The following CCBE1 variants were observed in gnomAD, a reference collection of about 807,000 sequenced individuals.
CCBE1 encodes collagen and calcium binding EGF domains 1.
CCBE1 carries 37 observed loss-of-function variants against 50.0 expected under a neutral mutation model. The observed-to-expected ratio is 0.74, with a 90% confidence interval of 0.57 to 0.97. CCBE1 has a LOEUF of 0.97. Among genes scored for constraint, CCBE1 ranks in the 50% least tolerant of loss-of-function variants. CCBE1 has a pLI of 0.00. For missense variants in CCBE1, 538 were observed against 523.8 expected (o/e 1.03, Z -0.26); for synonymous variants, 234 against 203.7 (o/e 1.15, Z -1.27).
intron 5 of CCBE1, among the ~76,000 whole-genome samples, chr18:59,463,644 C>T (rs1159635552): frequency 6.6e-6 from 1 of 150,494 alleles, no homozygotes; most frequent in African/African-American, 2.5e-5. Context: ...GCAGGCCACT[C>T]TCCCTCACAG....
chr18:59,515,808 G>C (rs1484864145), intron 2 of CCBE1, among the ~76,000 whole-genome samples: 2 of 152,110 alleles, frequency 1.3e-5, no homozygotes, highest in Non-Finnish European at 2.9e-5. Flanking sequence ...ACTTCAAGAA[G>C]TTAATCTCCC....
chr18:59,677,844 A>G (rs2054527395), intron 2 of CCBE1, among the ~76,000 whole-genome samples: 1 of 152,200 alleles, frequency 6.6e-6, no homozygotes, highest in Non-Finnish European at 1.5e-5. Flanking sequence ...TTCATACAAA[A>G]GGGAGTGAGT....
chr18:59,490,455 A>G lies in CCBE1; in HGVS notation c.213-10217T>C, dbSNP rs576735267. On this transcript the variant is annotated intron_variant, in intron 2 of 10. Transcript: ENST00000439986. ...ATGAATTGATTTTGTAAGAAAAAAT[A>G]AAGGAAATAATAAAATAATCATTAT... Among the ~76,000 whole-genome samples the G allele has an allele frequency of 2.0e-4, 31 of 152,050 alleles. 1 individual carries two copies. The East Asian group carries it at 5.2e-3, about 26-fold the overall frequency.
chr18:59,440,923 G>A (rs969750940), intron 7 of CCBE1, among the ~76,000 whole-genome samples: 1 of 152,178 alleles, frequency 6.6e-6, no homozygotes. Flanking sequence ...GCTGCTGAAA[G>A]CTCAGAGTAT....
At chr18:59,508,934 A>G (rs977557425) in intron 2 of CCBE1, among the ~76,000 whole-genome samples, 5 of 152,302 alleles carry the variant, frequency 3.3e-5, no homozygotes, top group East Asian at 3.9e-4. Flanking sequence ...TTCAAGGCCA[A>G]TAAGTGAGTG....
At chr18:59,580,091 T>C (rs185586077) in intron 2 of CCBE1, among the ~76,000 whole-genome samples, 8 of 152,218 alleles carry the variant, frequency 5.3e-5, no homozygotes, top group Admixed American at 2.0e-4. Context: ...TCTATTGTAG[T>C]ATGAAAGGAA....
rs2053887545 is a variant in CCBE1, at chr18:59,634,120, T to C, written c.212+62509A>G. The stretch of plus-strand genomic sequence containing the variant: ...AAAATCTGGAATAAATGTGACAAGC[T>C]AAAACTCAAACTGAAGCCAAGTATA... On this transcript the variant is annotated intron_variant, in intron 2 of 10. Transcript: ENST00000439986. Among the ~76,000 whole-genome samples, 5 of 152,162 alleles carry C rather than the reference T, an allele frequency of 3.3e-5. No individual in the cohort carries two copies. In the South Asian group the frequency reaches 1.0e-3, roughly 32 times the overall value.
chr18:59,531,481 C>G (rs1420792947), intron 2 of CCBE1, among the ~76,000 whole-genome samples: 1 of 152,028 alleles, frequency 6.6e-6, no homozygotes, highest in African/African-American at 2.4e-5. Context: ...TATGAGACAC[C>G]TACTATGAAT....
intron 2 of CCBE1, among the ~76,000 whole-genome samples, chr18:59,631,895 A>T (rs1487987865): frequency 6.6e-6 from 1 of 152,186 alleles, no homozygotes; most frequent in African/African-American, 2.4e-5. Context: ...TAGGAAATGT[A>T]AGATGCCAAA....
chr18:59,487,772 A>C (rs1288194367), intron 2 of CCBE1, among the ~76,000 whole-genome samples: 4 of 152,234 alleles, frequency 2.6e-5, no homozygotes, highest in Admixed American at 2.6e-4. Flanking sequence ...ATCAAATGAG[A>C]AAAACAATAT....
chr18:59,648,242 T>C (rs1568252723), intron 2 of CCBE1, among the ~76,000 whole-genome samples: 1 of 152,274 alleles, frequency 6.6e-6, no homozygotes, highest in East Asian at 1.9e-4. Context: ...CCTTTTTCCC[T>C]CCATTTAATG....
chr18:59,537,477 A>G (rs1438711403), intron 2 of CCBE1, among the ~76,000 whole-genome samples: 1 of 152,184 alleles, frequency 6.6e-6, no homozygotes, highest in Admixed American at 6.5e-5. Flanking sequence ...TGGTTTTATA[A>G]GAGGAAAACC....
intron 2 of CCBE1, among the ~76,000 whole-genome samples, chr18:59,646,036 A>T (rs1266730420): frequency 2.0e-5 from 3 of 152,002 alleles, no homozygotes; most frequent in Non-Finnish European, 4.4e-5. Context: ...TCTGTCTCAA[A>T]AAAAAAGAAA....
chr18:59,464,606 C>A (rs1279843469), intron 5 of CCBE1, among the ~76,000 whole-genome samples: 1 of 152,230 alleles, frequency 6.6e-6, no homozygotes, highest in African/African-American at 2.4e-5. Flanking sequence ...TCAAATTATT[C>A]AAATCGCCCA....
chr18:59,591,903 T>A (rs73961271), intron 2 of CCBE1, among the ~76,000 whole-genome samples: 2 of 152,228 alleles, frequency 1.3e-5, no homozygotes, highest in Non-Finnish European at 2.9e-5. Context: ...TAAATACCTA[T>A]ACAGGTTAAG....
chr18:59,489,158 T>C (rs1912969362), intron 2 of CCBE1, among the ~76,000 whole-genome samples: 1 of 152,244 alleles, frequency 6.6e-6, no homozygotes, highest in Non-Finnish European at 1.5e-5. Flanking sequence ...ATCTCAATGA[T>C]TAAAGGCATA....
chr18:59,447,854 T>C lies in CCBE1; in HGVS notation c.775+129A>G, dbSNP rs1358341716. ...CTCTCATTGCATGGGTGTGTGGCAG[T>C]CCCATGGACACCTGCCTTGTTTCTC... is the stretch of plus-strand genomic sequence containing the variant. On this transcript the variant is annotated intron_variant, in intron 7 of 10. Coordinates refer to ENST00000439986, the MANE Select transcript of CCBE1 (RefSeq NM_133459.4). The C allele has an allele frequency of 3.6e-6, 5 of 1,398,650 alleles. No homozygotes were observed. In the Admixed American group the frequency reaches 8.7e-5, roughly 24 times the overall value. The allele number at this position is 1,398,650 out of a possible 1,614,324, so 86.6% of individuals were successfully genotyped here.
At chr18:59,474,552 T>C (rs761889441) in intron 3 of CCBE1, among the ~76,000 whole-genome samples, 15 of 152,198 alleles carry the variant, frequency 9.9e-5, no homozygotes, top group South Asian at 2.1e-4. Context: ...CAAAATTCAA[T>C]GTGTGAGCAT....
intron 2 of CCBE1, among the ~76,000 whole-genome samples, chr18:59,549,818 T>A (rs1373652478): frequency 2.6e-5 from 4 of 152,218 alleles, no homozygotes; most frequent in Admixed American, 2.0e-4. Flanking sequence ...TTCTTCTCAA[T>A]AGGCATGGGG....
Sources: allele counts gnomAD v4.1 joint callset (sites outside exome capture counted in the v4.1 genomes callset), GRCh38; gene constraint gnomAD v4.1.1; transcripts MANE v1.5; gene names NCBI Gene and HGNC (gene_info 2026-07-23, HGNC 2026-07-21).